ACYP2: variants seen among roughly 807,000 people sequenced by gnomAD.
The protein encoded by ACYP2 is acylphosphatase-2.
ACYP2 carries 12 observed loss-of-function variants against 11.2 expected under a neutral mutation model. The ratio of observed to expected loss-of-function variants is 1.08; its 90% CI spans 0.69 to 1.74. The LOEUF (loss-of-function observed/expected upper bound fraction) is 1.74. Ranked by LOEUF, ACYP2 falls within the 40% of genes most tolerant of loss-of-function variation. The pLI, the probability that ACYP2 is intolerant of heterozygous loss-of-function variation, is 0.00. For missense variants in ACYP2, 134 were observed against 101.9 expected, an observed-to-expected ratio of 1.31 and a Z score of -1.35; for synonymous variants, 43 against 32.2, an observed-to-expected ratio of 1.33 and a Z score of -1.13.
At chr2:54,219,857 A>ATGTGTGTGTGTGTG (rs771365126) in intron 6 of ACYP2, among the ~76,000 whole-genome samples, 4 of 41,062 alleles carry the variant, frequency 9.7e-5, no homozygotes, top group African/African-American at 9.2e-5. Context: ...GTGTATATAG[A>ATGTGTGTGTGTGTG]TGTGTGTGTG....
intron 6 of ACYP2, among the ~76,000 whole-genome samples, chr2:54,204,797 G>T (rs1558611980): frequency 6.6e-6 from 1 of 151,992 alleles, no homozygotes; most frequent in South Asian, 2.1e-4. Context: ...TGCTTATTAG[G>T]CCTCCTGAAT....
intron 2 of ACYP2, among the ~76,000 whole-genome samples, chr2:53,979,938 C>G (rs959998149): frequency 6.6e-6 from 1 of 152,044 alleles, no homozygotes. Context: ...GTGATCCACC[C>G]GCCTTGGCCT....
chr2:54,044,845 C>G (rs1205730670), intron 2 of ACYP2, among the ~76,000 whole-genome samples: 1 of 152,058 alleles, frequency 6.6e-6, no homozygotes, highest in Non-Finnish European at 1.5e-5. Context: ...GTGAAACCAT[C>G]CCTATAAACT....
intron 2 of ACYP2, among the ~76,000 whole-genome samples, chr2:54,012,314 T>G (rs146619287): frequency 8.0e-4 from 122 of 151,694 alleles, no homozygotes; most frequent in Admixed American, 5.1e-3. Flanking sequence ...AAGACCAGTC[T>G]GAGAAACATA....
chr2:54,291,546 A>G (rs550538413), intron 6 of ACYP2, among the ~76,000 whole-genome samples: 1 of 152,232 alleles, frequency 6.6e-6, no homozygotes, highest in African/African-American at 2.4e-5. Context: ...GCTAGGAGCT[A>G]CATTTCCTGA....
chr2:53,991,410 C>CT (rs200668201), intron 2 of ACYP2, among the ~76,000 whole-genome samples: 6,657 of 141,756 alleles, frequency 0.047, 302 homozygotes, highest in East Asian at 0.21. Context: ...ACTTTTTTTT[C>CT]TTTTTTTTTT....
At chr2:54,231,566 G>T (rs1022420784) in intron 6 of ACYP2, among the ~76,000 whole-genome samples, 3 of 152,164 alleles carry the variant, frequency 2.0e-5, no homozygotes, top group African/African-American at 7.2e-5. Flanking sequence ...CCTCTGCTAG[G>T]TTGTTTCACC....
At chr2:53,983,410 G>T (rs1671863510) in intron 2 of ACYP2, among the ~76,000 whole-genome samples, 1 of 152,112 alleles carries the variant, frequency 6.6e-6, no homozygotes, top group Non-Finnish European at 1.5e-5. Context: ...GGAGGCTGAG[G>T]TGGAAGAATC....
intron 4 of ACYP2, among the ~76,000 whole-genome samples, chr2:54,110,068 T>C (rs1039644231): frequency 1.3e-5 from 2 of 152,228 alleles, no homozygotes; most frequent in African/African-American, 4.8e-5. Context: ...TGAGGATTAC[T>C]AGTCAGGCAT....
At chr2:54,058,847 G>A (rs1350677965) in intron 4 of ACYP2, among the ~76,000 whole-genome samples, 1 of 151,956 alleles carries the variant, frequency 6.6e-6, no homozygotes, top group African/African-American at 2.4e-5. Context: ...TGGTGGGGTT[G>A]GAATGTCTCT....
chr2:53,973,213 G>A (rs1418111552), intron 1 of ACYP2, among the ~76,000 whole-genome samples: 2 of 152,162 alleles, frequency 1.3e-5, no homozygotes, highest in Non-Finnish European at 2.9e-5. Context: ...GAACAGTGTC[G>A]TTGGAGTGTA....
At position 54,057,366 on chromosome 2, in the gene ACYP2, T is replaced by A; in HGVS notation, c.277+6T>A. On this transcript the variant is annotated splice_donor_region_variant and intron_variant, in intron 4 of 6. Coordinates refer to ENST00000607452, the MANE Select transcript of ACYP2 (RefSeq NM_001320586.2). ...AAAATCAACAATTTGCTTAAGTAAGTCTTCAAAATAAATACTGATTTTAAT... is the reference window on the plus strand; with the variant it reads ...AAAATCAACAATTTGCTTAAGTAAGACTTCAAAATAAATACTGATTTTAAT... 1 of 397,798 alleles carries A rather than the reference T, an allele frequency of 2.5e-6. No individual in the cohort carries two copies. Among genetic ancestry groups the A allele is most frequent in the East Asian group, 3.6e-5 (1 of 27,938 alleles). 24.6% of individuals were successfully genotyped at this position (397,798 alleles called of 1,614,324 possible).
intron 2 of ACYP2, among the ~76,000 whole-genome samples, chr2:54,019,051 TTTA>T (rs1553355262): frequency 6.6e-6 from 1 of 151,068 alleles, no homozygotes; most frequent in African/African-American, 2.4e-5. Context: ...GGCCTATTTT[TTTA>T]TTATTATTAT....
intron 6 of ACYP2, among the ~76,000 whole-genome samples, chr2:54,295,521 A>T (rs1253398664): frequency 6.6e-6 from 1 of 152,172 alleles, no homozygotes; most frequent in Non-Finnish European, 1.5e-5. Context: ...AGGTGCCTAG[A>T]AATTGCCCTC....
intron 4 of ACYP2, among the ~76,000 whole-genome samples, chr2:54,117,616 T>G (rs559397825): frequency 6.6e-6 from 1 of 152,306 alleles, no homozygotes; most frequent in Admixed American, 6.5e-5. Context: ...ATGAGAAGAC[T>G]GGGGGTGTTT....
chr2:53,983,507 A>G (rs1453579329), intron 2 of ACYP2, among the ~76,000 whole-genome samples: 1 of 152,164 alleles, frequency 6.6e-6, no homozygotes. Flanking sequence ...CCCTGTCTCA[A>G]AAAAGAAAAG....
intron 4 of ACYP2, chr2:54,080,323 A>T (rs982221172): frequency 3.3e-5 from 5 of 152,228 alleles, no homozygotes; most frequent in African/African-American, 9.7e-5. Flanking sequence ...TTGTTTTATT[A>T]TCTGCCTGAC....
intron 6 of ACYP2, among the ~76,000 whole-genome samples, chr2:54,152,627 T>TTA (rs1304350551): frequency 1.3e-5 from 2 of 152,200 alleles, no homozygotes; most frequent in South Asian, 2.1e-4. Context: ...GCCCAGAATG[T>TTA]TATATAGATG....
chr2:54,091,916 G>A (rs1678254444), intron 4 of ACYP2, among the ~76,000 whole-genome samples: 1 of 152,156 alleles, frequency 6.6e-6, no homozygotes, highest in Non-Finnish European at 1.5e-5. Flanking sequence ...AGGAGTACGA[G>A]CAAGACTGGA....
Sources: gnomAD v4.1 joint callset for allele counts (sites outside exome capture counted in the v4.1 genomes callset) on GRCh38, gnomAD v4.1.1 for gene constraint, MANE v1.5 for transcripts, NCBI Gene and HGNC (gene_info 2026-07-23, HGNC 2026-07-21) for gene names.